GABRB1: variants seen among roughly 807,000 people sequenced by gnomAD.
GABRB1 encodes the protein gamma-aminobutyric acid receptor subunit beta-1.
In GABRB1, 17 loss-of-function variants were observed where a neutral mutation model predicts 51.6. The ratio of observed to expected loss-of-function variants is 0.33; its 90% CI spans 0.23 to 0.49. The LOEUF (loss-of-function observed/expected upper bound fraction) is 0.49, where lower values mean the gene tolerates loss of function less well. Ranked by LOEUF, GABRB1 falls within the 20% of genes least tolerant of loss-of-function variation. The probability of loss-of-function intolerance (pLI) is 0.99; values close to 1 mark genes in which losing one functional copy is unlikely to be tolerated. For synonymous variants in GABRB1, 247 were observed against 218.9 expected (o/e 1.13, Z -1.14); for missense variants, 410 against 600.6 (o/e 0.68, Z 3.32).
chr4:47,268,255 G>A (rs1722718250), intron 4 of GABRB1, among the ~76,000 whole-genome samples: 1 of 152,116 alleles, frequency 6.6e-6, no homozygotes, highest in South Asian at 2.1e-4. Flanking sequence ...ACAACAAAAT[G>A]AAATAGTAAA....
chr4:47,032,866 A>T (rs922532538), intron 3 of GABRB1: 1 of 404,640 alleles, frequency 2.5e-6, no homozygotes, highest in Non-Finnish European at 5.1e-6. Context: ...GTCGGCAGCC[A>T]TCACCTCCCC....
chr4:47,425,441 G>C (rs560387062), intron 8 of GABRB1, among the ~76,000 whole-genome samples: 13 of 150,698 alleles, frequency 8.6e-5, no homozygotes, highest in Admixed American at 7.3e-4. Flanking sequence ...AGTGGAGACA[G>C]ATGATAGCTA....
intron 3 of GABRB1, among the ~76,000 whole-genome samples, chr4:47,039,424 T>C (rs901908358): frequency 2.0e-5 from 3 of 151,626 alleles, no homozygotes; most frequent in African/African-American, 7.3e-5. Flanking sequence ...ATAGTCTTTT[T>C]CAAAAAACAG....
At chr4:47,068,204 G>A (rs1182332654) in intron 3 of GABRB1, among the ~76,000 whole-genome samples, 1 of 152,092 alleles carries the variant, frequency 6.6e-6, no homozygotes, top group East Asian at 1.9e-4. Context: ...TCTTGCTCTG[G>A]ATTAGGTTTT....
chr4:46,998,124 G>C (rs989750991), intron 1 of GABRB1, among the ~76,000 whole-genome samples: 2 of 151,948 alleles, frequency 1.3e-5, no homozygotes, highest in African/African-American at 2.4e-5. Flanking sequence ...TAATACTGCT[G>C]TCAAAATAAG....
At chr4:47,232,608 C>T (rs1721180965) in intron 4 of GABRB1, among the ~76,000 whole-genome samples, 1 of 152,138 alleles carries the variant, frequency 6.6e-6, no homozygotes, top group African/African-American at 2.4e-5. Flanking sequence ...TCAGACTCAG[C>T]ATATAACACA....
At chr4:47,289,161 A>C (rs773070552) in intron 4 of GABRB1, among the ~76,000 whole-genome samples, 1 of 152,166 alleles carries the variant, frequency 6.6e-6, no homozygotes, top group East Asian at 1.9e-4. Context: ...TGTGAAACAG[A>C]GACCATCAGT....
intron 3 of GABRB1, among the ~76,000 whole-genome samples, chr4:47,035,665 C>A (rs112981026): frequency 6.6e-6 from 1 of 152,018 alleles, no homozygotes; most frequent in Non-Finnish European, 1.5e-5. Context: ...TACACACACA[C>A]GCACAAAGAG....
chr4:47,241,798 C>G (rs1443645258), intron 4 of GABRB1, among the ~76,000 whole-genome samples: 2 of 152,000 alleles, frequency 1.3e-5, no homozygotes, highest in Non-Finnish European at 2.9e-5. Flanking sequence ...AGGTCTGGTT[C>G]CTTAAGAATT....
intron 4 of GABRB1, among the ~76,000 whole-genome samples, chr4:47,215,954 G>C (rs1449811047): frequency 1.3e-5 from 2 of 151,978 alleles, no homozygotes; most frequent in African/African-American, 4.8e-5. Context: ...ATTTTAAGTG[G>C]ATGATATCAC....
At chr4:46,996,370 A>G (rs1386264720) in intron 1 of GABRB1, among the ~76,000 whole-genome samples, 3 of 152,146 alleles carry the variant, frequency 2.0e-5, no homozygotes, top group Non-Finnish European at 2.9e-5. Context: ...CACATTTTAT[A>G]AATTTAACAA....
chr4:47,059,562 A>G (rs1726761293), intron 3 of GABRB1, among the ~76,000 whole-genome samples: 1 of 152,190 alleles, frequency 6.6e-6, no homozygotes, highest in African/African-American at 2.4e-5. Flanking sequence ...TCTTGTACCT[A>G]AAGACTTTTT....
At chr4:47,284,003 C>G (rs1425423137) in intron 4 of GABRB1, among the ~76,000 whole-genome samples, 1 of 147,316 alleles carries the variant, frequency 6.8e-6, no homozygotes, top group East Asian at 2.0e-4. Flanking sequence ...GAGGCTGAGG[C>G]AGGAGAATGG....
chr4:47,364,181 ATT>A (rs949413316), intron 5 of GABRB1, among the ~76,000 whole-genome samples: 1 of 152,152 alleles, frequency 6.6e-6, no homozygotes, highest in Non-Finnish European at 1.5e-5. Context: ...ATTGCCTTGG[ATT>A]TTTTGAGATT....
intron 5 of GABRB1, among the ~76,000 whole-genome samples, chr4:47,380,289 G>T (rs530972135): frequency 6.6e-6 from 1 of 152,292 alleles, no homozygotes; most frequent in East Asian, 1.9e-4. Context: ...ATCTTCGACA[G>T]GGAAGAAGTA....
At chr4:47,276,654 T>C (rs1366245754) in intron 4 of GABRB1, among the ~76,000 whole-genome samples, 1 of 152,176 alleles carries the variant, frequency 6.6e-6, no homozygotes, top group East Asian at 1.9e-4. Flanking sequence ...ATTTTCCAAG[T>C]ACTCCATTTT....
chr4:47,248,457 C>A (rs751826909), intron 4 of GABRB1, among the ~76,000 whole-genome samples: 8 of 151,600 alleles, frequency 5.3e-5, no homozygotes, highest in Non-Finnish European at 8.9e-5. Context: ...CTATGTTCAT[C>A]AAGGATATTA....
chr4:47,105,549 T>G (rs1301376368), intron 3 of GABRB1, among the ~76,000 whole-genome samples: 1 of 152,152 alleles, frequency 6.6e-6, no homozygotes, highest in African/African-American at 2.4e-5. Context: ...GTTATATTCC[T>G]GTTCCTTGAC....
chr4:47,292,419 C>A, intron 4 of GABRB1, among the ~76,000 whole-genome samples: 1 of 152,290 alleles, frequency 6.6e-6, no homozygotes, highest in East Asian at 1.9e-4. Context: ...AAATTTACTT[C>A]TAAAAATAAT....
Sources: gnomAD v4.1 joint callset for allele counts (sites outside exome capture counted in the v4.1 genomes callset) on GRCh38, gnomAD v4.1.1 for gene constraint, MANE v1.5 for transcripts, NCBI Gene and HGNC (gene_info 2026-07-23, HGNC 2026-07-21) for gene names.